NLRP2: variants seen among roughly 807,000 people sequenced by gnomAD.
The protein encoded by NLRP2 is NLR family pyrin domain containing 2, also known as NACHT, LRR and PYD domains-containing protein 2.
Under a neutral mutation model 97.2 loss-of-function variants are expected in NLRP2, and 107 were observed. The ratio of observed to expected loss-of-function variants is 1.10; its 90% CI spans 0.94 to 1.29. The LOEUF is 1.29. NLRP2 is among the 50% of genes most tolerant of loss of function. The pLI, the probability that NLRP2 is intolerant of heterozygous loss-of-function variation, is 0.00. For missense variants in NLRP2, 1,495 were observed against 1,330.3 expected (o/e 1.12, Z -1.93); for synonymous variants, 663 against 551.5 (o/e 1.20, Z -2.83).
chr19:54,986,081 C>T (rs1347606248), intron 7 of NLRP2, 70 bp from the exon 8 acceptor site: 6 of 987,944 alleles, frequency 6.1e-6, no homozygotes, highest in Admixed American at 3.6e-5. Flanking sequence ...TATATCGAGC[C>T]CCTGGTTTCC....
rs779116763 is a variant in NLRP2 at position 54,990,496 on chromosome 19, T to C, written c.2538-6T>C. The stretch of plus-strand genomic sequence containing the variant: ...AACCGTGTTGCCATTTGTGATTCTT[T>C]TGTAGGTTGGAAAACTGTCACCTTA... On this transcript the variant is annotated splice_region_variant and splice_polypyrimidine_tract_variant and intron_variant, in intron 9 of 12. Transcript: ENST00000448584. The C allele has an allele frequency of 7.4e-6, 12 of 1,614,004 alleles. 1 individual carries two copies. The Middle Eastern group carries it at 1.3e-3, about 177-fold the overall frequency.
rs770490629 is a variant in NLRP2, at chr19:54,982,682, C to A, written c.984C>A (p.Pro328=). ...LGSLLNRVML[P]KAALLVTTRP... The stretch of plus-strand genomic sequence containing the variant: ...GTTTGCTGAACAGGGTGATGTTACC[C>A]AAGGCCGCCCTGCTGGTCACCACGC... Residue 328 remains proline (P), a synonymous_variant, in exon 6 of 13, where the codon CCC becomes CCA. Coordinates refer to ENST00000448584, the MANE Select transcript of NLRP2 (RefSeq NM_017852.5). The A allele has an allele frequency of 6.2e-7, 1 of 1,614,098 alleles. No homozygotes were observed. The highest frequency in any genetic ancestry group is 1.1e-5 in the South Asian group (1 of 91,080).
chr19:54,971,219 CATT>C (rs1206066420), intron 2 of NLRP2, among the ~76,000 whole-genome samples: 3 of 150,976 alleles, frequency 2.0e-5, no homozygotes, highest in South Asian at 2.1e-4. Context: ...TCCAGTCTAT[CATT>C]GTTGGACATT....
At chr19:54,969,819 ACTG>A (rs879423944) in intron 1 of NLRP2, among the ~76,000 whole-genome samples, 177 bp from the exon 2 acceptor site, 6 of 152,058 alleles carry the variant, frequency 3.9e-5, no homozygotes, top group Non-Finnish European at 7.4e-5. Context: ...ACCACCACCC[ACTG>A]CTAACTTATT....
At chr19:54,968,722 T>G (rs374199955) in intron 1 of NLRP2, among the ~76,000 whole-genome samples, 4 of 150,132 alleles carry the variant, frequency 2.7e-5, no homozygotes, top group African/African-American at 9.8e-5. Context: ...TTGAGACAGT[T>G]TCACTCTTGT....
chr19:54,967,927 T>C (rs1161735935), intron 1 of NLRP2, among the ~76,000 whole-genome samples: 3 of 150,906 alleles, frequency 2.0e-5, no homozygotes, highest in South Asian at 2.1e-4. Context: ...ATTTTTTTTT[T>C]TTTTTTTTTG....
chr19:54,999,641 T>C (rs528056244), intron 12 of NLRP2, among the ~76,000 whole-genome samples: 3 of 137,438 alleles, frequency 2.2e-5, no homozygotes, highest in Admixed American at 7.6e-5. Context: ...CCTGATGTTA[T>C]GTTTTTCTCT....
intron 2 of NLRP2, among the ~76,000 whole-genome samples, chr19:54,970,825 A>AT (rs1209596749): frequency 6.2e-5 from 4 of 64,892 alleles, no homozygotes; most frequent in Middle Eastern, 9.8e-3. Context: ...TATTATTATT[A>AT]TTTTTTTTAT....
chr19:54,967,643 CA>C (rs58847413), intron 1 of NLRP2, among the ~76,000 whole-genome samples: 4,338 of 144,846 alleles, frequency 0.03, 91 homozygotes, highest in African/African-American at 0.052. Context: ...TAGAGAGCTC[CA>C]AAAAAAAAAA....
intron 6 of NLRP2, 92 bp downstream of exon 6, chr19:54,983,820 T>G (rs1423349417): frequency 6.6e-7 from 1 of 1,519,844 alleles, no homozygotes; most frequent in Non-Finnish European, 9.0e-7. Context: ...GCACTGTGGC[T>G]TAGGGTCAGG....
At chr19:54,975,341 C>T (rs11879727) in intron 3 of NLRP2, among the ~76,000 whole-genome samples, 1 of 141,846 alleles carries the variant, frequency 7.0e-6, no homozygotes, top group Non-Finnish European at 1.5e-5. Context: ...AGGCTGGCCT[C>T]GAATTACTAA....
chr19:54,997,154 C>T (rs531543449), intron 11 of NLRP2, among the ~76,000 whole-genome samples, 163 bp from the exon 12 acceptor site: 1 of 152,316 alleles, frequency 6.6e-6, no homozygotes, highest in African/African-American at 2.4e-5. Flanking sequence ...ATCCATCCAC[C>T]TCGGCCTCCC....
Position 54,983,662 on chromosome 19 carries a change from T to C in NLRP2, c.1964T>C (p.Leu655Pro), listed in dbSNP as rs758785918. 11 of 1,614,090 alleles carry C rather than the reference T, an allele frequency of 6.8e-6. No homozygotes were observed. The highest frequency in any genetic ancestry group is 9.3e-6 in the Non-Finnish European group (11 of 1,180,026). The change falls in exon 6 of 13, where the codon CTG (leucine) becomes CCG (proline). Residue 655 changes from leucine (L) to proline (P), a missense_variant. Leu to Pro is a moderately conservative substitution (Grantham distance 98, BLOSUM62 -3). Transcript: ENST00000448584. ...KHCRNLQKMS[L>P]QVIKENLPEN... ...TGTCGAAACCTGCAGAAAATGTCAC[T>C]GCAGGTAATAAAGGAGAATCTCCCG...
intron 7 of NLRP2, 105 bp downstream of exon 7, chr19:54,985,322 C>A: frequency 9.3e-7 from 1 of 1,077,162 alleles, no homozygotes. Flanking sequence ...CTTAAGTGCT[C>A]GAGACACAGG....
rs200366059 is a variant in NLRP2, at chr19:54,984,329, G to GTTTTTTTTTTTTTTTTTTTTTTTTTTTT, written c.2030+624_2030+625insTTTTTTTTTTTTTTTTTTTTTTTTTTTT. Among the ~76,000 whole-genome samples the GTTTTTTTTTTTTTTTTTTTTTTTTTTTT allele has an allele frequency of 5.0e-5, 4 of 79,674 alleles. 1 individual carries two copies. The highest frequency in any genetic ancestry group is 1.8e-4 in the African/African-American group (4 of 21,640). The allele number at this position is 79,674 out of a possible 152,430, so 52.3% of individuals were successfully genotyped here. On this transcript the variant is annotated intron_variant, in intron 6 of 12. Coordinates refer to ENST00000448584, the MANE Select transcript of NLRP2 (RefSeq NM_017852.5). ...AACTTAAGTGGGGGTTTTTTTTTGT[G>GTTTTTTTTTTTTTTTTTTTTTTTTTTTT]TTTTTTTTTTTTTTTTTTTTTTTGG...
At chr19:54,994,473 T>TAA in intron 11 of NLRP2, 34 bp downstream of exon 11, 1 of 1,605,058 alleles carries the variant, frequency 6.2e-7, no homozygotes. Flanking sequence ...TTCCTATACT[T>TAA]ACACCTTACT....
At chr19:54,989,547 G>A (rs1169313066) in intron 8 of NLRP2, 2 of 241,300 alleles carry the variant, frequency 8.3e-6, no homozygotes, top group South Asian at 1.2e-4. Context: ...ACTAAGTTCT[G>A]TATTTCCAGC....
At chr19:54,990,412 G>A in intron 9 of NLRP2, 90 bp from the exon 10 acceptor site, 1 of 1,373,584 alleles carries the variant, frequency 7.3e-7, no homozygotes, top group Non-Finnish European at 1.0e-6. Flanking sequence ...TTCACAAGAA[G>A]GGGCTTTTGG....
In NLRP2 at chr19:54,981,668, A is replaced by G; in HGVS notation, c.449A>G (p.Lys150Arg). Residue 150 changes from lysine to arginine, a missense_variant, in exon 5 of 13, where the codon AAA (lysine) becomes AGA (arginine). Coordinates refer to ENST00000448584, the MANE Select transcript of NLRP2 (RefSeq NM_017852.5). ...NVICLGKEVF[K>R]GKKPDKDNRC... Reference sequence around the variant, plus strand: ...ATCTGCCTGGGTAAAGAAGTCTTTAAAGGAAAAAAGCCAGGTCTGTACCAT... The same window carrying G: ...ATCTGCCTGGGTAAAGAAGTCTTTAGAGGAAAAAAGCCAGGTCTGTACCAT... The G allele has an allele frequency of 6.3e-7, 1 of 1,579,822 alleles. No homozygotes were observed. Among genetic ancestry groups the G allele is most frequent in the Non-Finnish European group, 8.7e-7 (1 of 1,148,700 alleles).
Sources: gnomAD v4.1 joint callset for allele counts (sites outside exome capture counted in the v4.1 genomes callset) on GRCh38, gnomAD v4.1.1 for gene constraint, MANE v1.5 for transcripts, NCBI Gene and HGNC (gene_info 2026-07-23, HGNC 2026-07-21) for gene names.